Variants in SGCZ observed in about 807,000 individuals in gnomAD.
The protein encoded by SGCZ is zeta-sarcoglycan.
In SGCZ, 40 loss-of-function variants were observed where a neutral mutation model predicts 41.3. That is an observed-to-expected ratio of 0.97 (90% CI 0.75 to 1.26). SGCZ has a LOEUF of 1.26. SGCZ is among the 50% of genes most tolerant of loss of function. The pLI is 0.00. For synonymous variants in SGCZ, 206 were observed against 137.5 expected (o/e 1.50, Z -3.49); for missense variants, 552 against 369.8 (o/e 1.49, Z -4.04).
chr8:15,096,814 T>G (rs1806363566), intron 1 of SGCZ, among the ~76,000 whole-genome samples: 1 of 151,964 alleles, frequency 6.6e-6, no homozygotes, highest in Non-Finnish European at 1.5e-5. Flanking sequence ...GCCTCTCGAG[T>G]AGCTGGGACT....
intron 2 of SGCZ, among the ~76,000 whole-genome samples, chr8:14,374,627 C>T (rs1314987763): frequency 1.3e-5 from 2 of 151,838 alleles, no homozygotes; most frequent in Non-Finnish European, 2.9e-5. Context: ...GACTGATGGC[C>T]ATAAATACAT....
intron 1 of SGCZ, among the ~76,000 whole-genome samples, chr8:15,015,687 CAAA>C (rs61080299): frequency 2.5e-5 from 3 of 121,794 alleles, no homozygotes; most frequent in African/African-American, 3.3e-5. Flanking sequence ...GACTCCATCT[CAAA>C]AAAAAAAAAA....
chr8:14,242,031 C>A (rs1409701060), intron 3 of SGCZ, among the ~76,000 whole-genome samples: 1 of 152,170 alleles, frequency 6.6e-6, no homozygotes, highest in Non-Finnish European at 1.5e-5. Flanking sequence ...AGAAAGGAGA[C>A]AGACTTCTTT....
chr8:15,054,382 T>C (rs936755729), intron 1 of SGCZ, among the ~76,000 whole-genome samples: 1 of 152,132 alleles, frequency 6.6e-6, no homozygotes, highest in African/African-American at 2.4e-5. Flanking sequence ...TTGGAGGCTA[T>C]TAATAGCTTA....
intron 1 of SGCZ, among the ~76,000 whole-genome samples, chr8:14,699,673 A>G (rs1809073698): frequency 6.6e-6 from 1 of 151,988 alleles, no homozygotes; most frequent in Non-Finnish European, 1.5e-5. Flanking sequence ...AGGAGAGTAA[A>G]GATACAACCT....
At position 14,457,780 on chromosome 8, in the gene SGCZ, A is replaced by G. The variant is rs565192166; in HGVS notation, c.234+96952T>C. Among the ~76,000 whole-genome samples the G allele has an allele frequency of 2.6e-5, 4 of 152,210 alleles. No individual in the cohort carries two copies. The East Asian group carries it at 5.8e-4, about 22-fold the overall frequency. On this transcript the variant is annotated intron_variant, in intron 2 of 7. Transcript: ENST00000382080. ...GTGGACACGTGACCCACGTGACCTT[A>G]CCTATAATTGGAGGTGACTCACATT... is the stretch of plus-strand genomic sequence containing the variant.
intron 2 of SGCZ, among the ~76,000 whole-genome samples, chr8:14,517,313 T>A (rs960081679): frequency 5.3e-5 from 8 of 152,086 alleles, no homozygotes; most frequent in African/African-American, 1.7e-4. Context: ...GGGCCCAAGT[T>A]AATGTAGGAG....
At chr8:14,798,958 C>A (rs540703523) in intron 1 of SGCZ, among the ~76,000 whole-genome samples, 1 of 151,830 alleles carries the variant, frequency 6.6e-6, no homozygotes, top group East Asian at 1.9e-4. Flanking sequence ...ACATATTTTA[C>A]TTCATATACT....
intron 1 of SGCZ, among the ~76,000 whole-genome samples, chr8:14,798,693 A>G (rs1801217097): frequency 6.7e-6 from 1 of 150,006 alleles, no homozygotes; most frequent in African/African-American, 2.5e-5. Context: ...AAAAAGGAGT[A>G]TGAAGTAAAA....
At chr8:14,219,698 G>T (rs1394251664) in intron 4 of SGCZ, among the ~76,000 whole-genome samples, 1 of 151,592 alleles carries the variant, frequency 6.6e-6, no homozygotes, top group African/African-American at 2.4e-5. Context: ...AGTGAGCCGA[G>T]ATCGCACCAC....
intron 1 of SGCZ, among the ~76,000 whole-genome samples, chr8:14,789,166 C>T (rs563745151): frequency 2.6e-5 from 4 of 151,936 alleles, no homozygotes; most frequent in Admixed American, 1.3e-4. Context: ...GCACTATGCA[C>T]GATGCTTGGG....
At chr8:14,581,438 T>C (rs551427535) in intron 1 of SGCZ, among the ~76,000 whole-genome samples, 1 of 151,794 alleles carries the variant, frequency 6.6e-6, no homozygotes, top group East Asian at 1.9e-4. Context: ...TTTTTGTTTG[T>C]TTGTTTTTTT....
At chr8:15,043,685 T>C (rs1249797275) in intron 1 of SGCZ, among the ~76,000 whole-genome samples, 3 of 152,128 alleles carry the variant, frequency 2.0e-5, no homozygotes. Flanking sequence ...TCTTAAGCTT[T>C]TCATATACAA....
intron 2 of SGCZ, among the ~76,000 whole-genome samples, chr8:14,347,423 T>G (rs1481247768): frequency 6.6e-6 from 1 of 152,092 alleles, no homozygotes; most frequent in African/African-American, 2.4e-5. Context: ...TTAATTGCAT[T>G]AGAAATTTAG....
At chr8:14,794,151 G>C (rs572988286) in intron 1 of SGCZ, among the ~76,000 whole-genome samples, 1 of 152,216 alleles carries the variant, frequency 6.6e-6, no homozygotes, top group African/African-American at 2.4e-5. Context: ...CTTTATACCA[G>C]CTACAGTCTT....
chr8:15,090,024 G>C (rs2131060729), intron 1 of SGCZ, among the ~76,000 whole-genome samples: 1 of 152,250 alleles, frequency 6.6e-6, no homozygotes, highest in African/African-American at 2.4e-5. Context: ...AGTAAAAACT[G>C]TTTGAAACTT....
intron 2 of SGCZ, among the ~76,000 whole-genome samples, chr8:14,436,384 T>G (rs1430828234): frequency 6.6e-6 from 1 of 152,214 alleles, no homozygotes. Context: ...TATTTTTTTC[T>G]GAGTTAGCAA....
chr8:14,750,907 G>T (rs532598529), intron 1 of SGCZ, among the ~76,000 whole-genome samples: 1 of 152,240 alleles, frequency 6.6e-6, no homozygotes, highest in African/African-American at 2.4e-5. Flanking sequence ...AAAACAGATT[G>T]TGACTAATTG....
intron 1 of SGCZ, among the ~76,000 whole-genome samples, chr8:15,216,425 T>C (rs58785635): frequency 0.51 from 77,199 of 151,482 alleles, 20,791 homozygotes; most frequent in Non-Finnish European, 0.59. Context: ...TTTCACCGTG[T>C]TCGCCAGGAT....
Sources: gnomAD v4.1 joint callset for allele counts (sites outside exome capture counted in the v4.1 genomes callset) on GRCh38, gnomAD v4.1.1 for gene constraint, MANE v1.5 for transcripts, NCBI Gene and HGNC (gene_info 2026-07-23, HGNC 2026-07-21) for gene names.